SLC9A4: variants seen among roughly 807,000 people sequenced by gnomAD.
The protein encoded by SLC9A4 is sodium/hydrogen exchanger 4.
In SLC9A4, 63 loss-of-function variants were observed where a neutral mutation model predicts 67.4. The ratio of observed to expected loss-of-function variants is 0.93; its 90% CI spans 0.76 to 1.15. The LOEUF is 1.15. Ranked by LOEUF, SLC9A4 falls within the 50% of genes most tolerant of loss-of-function variation. The probability of loss-of-function intolerance (pLI) is 0.00; values close to 1 mark genes in which losing one functional copy is unlikely to be tolerated. For synonymous variants in SLC9A4, 393 were observed against 367.2 expected (o/e 1.07, Z -0.80); for missense variants, 1,089 against 987.7 (o/e 1.10, Z -1.38).
chr2:102,496,918 C>CTTTGT (rs1490653881), intron 2 of SLC9A4, among the ~76,000 whole-genome samples: 1 of 152,112 alleles, frequency 6.6e-6, no homozygotes, highest in Non-Finnish European at 1.5e-5. Context: ...GATATGATGA[C>CTTTGT]TTTGTTTTGT....
intron 1 of SLC9A4, among the ~76,000 whole-genome samples, chr2:102,477,809 G>C (rs1456164486): frequency 6.6e-6 from 1 of 152,190 alleles, no homozygotes; most frequent in East Asian, 1.9e-4. Flanking sequence ...AGATAGTGCA[G>C]AGTGTGTGGG....
chr2:102,508,310 A>G, intron 5 of SLC9A4, 29 bp downstream of exon 5: 1 of 1,543,518 alleles, frequency 6.5e-7, no homozygotes, highest in Non-Finnish European at 8.8e-7. Context: ...TATTTAAATA[A>G]ATAGGTTATT....
Position 102,505,345 on chromosome 2 carries a change from C to T in SLC9A4, c.1072C>T (p.Leu358=). The T allele has an allele frequency of 1.2e-6, 2 of 1,614,196 alleles. No individual in the cohort carries two copies. Among genetic ancestry groups the T allele is most frequent in the Non-Finnish European group, 1.7e-6 (2 of 1,180,034 alleles). ...YTTIKYFMKM[L]SSVSETLIFI... ...GACCATCAAGTACTTCATGAAGATG[C>T]TGAGCAGCGTCAGCGAGACCTTGAT... Residue 358 remains leucine (L), a synonymous_variant, in exon 4 of 12, where the codon CTG becomes TTG. Transcript: ENST00000295269.
At chr2:102,505,186 G>A (rs1444615024) in intron 3 of SLC9A4, 68 bp from the exon 4 acceptor site, 3 of 1,459,072 alleles carry the variant, frequency 2.1e-6, no homozygotes, top group Non-Finnish European at 2.8e-6. Flanking sequence ...GGCATTGCCT[G>A]TGGGGAGGGC....
At chr2:102,507,702 C>A (rs146453756) in intron 4 of SLC9A4, among the ~76,000 whole-genome samples, 5 of 152,178 alleles carry the variant, frequency 3.3e-5, no homozygotes, top group African/African-American at 1.2e-4. Context: ...ATGCATTTAT[C>A]CCCCCACCCA....
At chr2:102,518,071 A>G (rs1394926086) in intron 8 of SLC9A4, among the ~76,000 whole-genome samples, 6 of 152,216 alleles carry the variant, frequency 3.9e-5, no homozygotes, top group Non-Finnish European at 8.8e-5. Flanking sequence ...GTAGAATGAT[A>G]GCTGATATAA....
intron 8 of SLC9A4, among the ~76,000 whole-genome samples, chr2:102,518,624 T>C (rs928665923): frequency 3.9e-5 from 6 of 152,358 alleles, no homozygotes; most frequent in African/African-American, 1.4e-4. Flanking sequence ...AGGCTTGCTG[T>C]GATATTCAGT....
intron 1 of SLC9A4, among the ~76,000 whole-genome samples, chr2:102,474,339 C>T (rs778494711): frequency 1.3e-5 from 2 of 152,120 alleles, no homozygotes; most frequent in East Asian, 1.9e-4. Context: ...GAATAAAGCA[C>T]GTAGACCTGG....
Position 102,519,956 on chromosome 2 carries a change from G to T in SLC9A4, c.1818+1G>T, listed in dbSNP as rs767158033. ...CAACATGTACCAAGTTCGGCAAAGG[G>T]TGTGTATGAGCCACCTGTGTTGTCC... is the stretch of plus-strand genomic sequence containing the variant. On this transcript the variant is annotated splice_donor_variant, in intron 9 of 11. Coordinates refer to ENST00000295269, the MANE Select transcript of SLC9A4 (RefSeq NM_001011552.4). LOFTEE classifies it high-confidence loss of function. 3.1e-6 allele frequency: 5 copies of T among 1,613,080 alleles called. No homozygotes were observed. The highest frequency in any genetic ancestry group is 4.2e-6 in the Non-Finnish European group (5 of 1,179,168).
chr2:102,499,893 G>A (rs1475288842), intron 2 of SLC9A4, among the ~76,000 whole-genome samples: 1 of 152,140 alleles, frequency 6.6e-6, no homozygotes, highest in Non-Finnish European at 1.5e-5. Flanking sequence ...TTAAGACCTT[G>A]TAAAATTCAA....
At chr2:102,527,017 C>T (rs1202830970) in intron 11 of SLC9A4, among the ~76,000 whole-genome samples, 5 of 152,082 alleles carry the variant, frequency 3.3e-5, no homozygotes, top group Non-Finnish European at 5.9e-5. Flanking sequence ...GTAAACTAAA[C>T]ATAAAGGATT....
At chr2:102,503,761 C>T (rs1684993453) in intron 3 of SLC9A4, 54 bp downstream of exon 3, 2 of 1,588,790 alleles carry the variant, frequency 1.3e-6, no homozygotes, top group African/African-American at 1.4e-5. Flanking sequence ...AGTTTAGAAC[C>T]ACATCACATG....
At chr2:102,524,586 T>TGTGTGTGTGTGTC (rs1674618459) in intron 9 of SLC9A4, among the ~76,000 whole-genome samples, 1 of 69,540 alleles carries the variant, frequency 1.4e-5, no homozygotes, top group Non-Finnish European at 3.1e-5. Context: ...GTGTGTGTGT[T>TGTGTGTGTGTGTC]TGTGTGCTTG....
Position 102,474,033 on chromosome 2 carries a change from T to C in SLC9A4, c.256+18T>C, listed in dbSNP as rs760680118. ...AAAAATAGGTAAGTCCTTAAACACC[T>C]GGTTTGGTGAGTTATCTTTTTACAT... On this transcript the variant is annotated intron_variant, in intron 1 of 11. Coordinates refer to ENST00000295269, the MANE Select transcript of SLC9A4 (RefSeq NM_001011552.4). 3.7e-6 allele frequency: 6 copies of C among 1,607,382 alleles called. No individual in the cohort carries two copies. In the South Asian group the frequency reaches 6.6e-5, roughly 18 times the overall value.
At chr2:102,475,453 C>T (rs1257827610) in intron 1 of SLC9A4, among the ~76,000 whole-genome samples, 1 of 152,226 alleles carries the variant, frequency 6.6e-6, no homozygotes, top group African/African-American at 2.4e-5. Flanking sequence ...CAGTAAACAT[C>T]TAAACGCAGA....
At chr2:102,505,190 G>A in intron 3 of SLC9A4, 64 bp from the exon 4 acceptor site, 2 of 1,485,316 alleles carry the variant, frequency 1.3e-6, no homozygotes, top group Middle Eastern at 1.7e-4. Flanking sequence ...TTGCCTGTGG[G>A]GAGGGCGTTT....
chr2:102,526,203 G>A (rs527507412), intron 10 of SLC9A4, 56 bp from the exon 11 acceptor site: 90 of 1,562,786 alleles, frequency 5.8e-5, no homozygotes, highest in Non-Finnish European at 7.3e-5. Flanking sequence ...TTTGCCATGT[G>A]AAGCTCTTAA....
chr2:102,483,434 G>A (rs906369958), intron 2 of SLC9A4, among the ~76,000 whole-genome samples: 5 of 152,132 alleles, frequency 3.3e-5, no homozygotes, highest in African/African-American at 4.8e-5. Flanking sequence ...ATGCCTTTTC[G>A]GCAAGGAGGC....
chr2:102,511,069 G>A (rs1685155774), intron 6 of SLC9A4, among the ~76,000 whole-genome samples: 1 of 152,216 alleles, frequency 6.6e-6, no homozygotes, highest in African/African-American at 2.4e-5. Context: ...TGCTGCACAT[G>A]AGATTCAAGC....
Sources: allele counts gnomAD v4.1 joint callset (sites outside exome capture counted in the v4.1 genomes callset), GRCh38; gene constraint gnomAD v4.1.1; transcripts MANE v1.5; gene names NCBI Gene and HGNC (gene_info 2026-07-23, HGNC 2026-07-21).